The following NRXN3 variants were observed in gnomAD, a reference collection of about 807,000 sequenced individuals.
NRXN3 encodes neurexin III.
A neutral mutation model predicts 137.6 loss-of-function variants in NRXN3; 32 were observed. The ratio of observed to expected loss-of-function variants is 0.23; its 90% confidence interval spans 0.18 to 0.31. NRXN3 has a LOEUF of 0.31. Ranked by LOEUF, NRXN3 falls within the 10% of genes least tolerant of loss-of-function variation. The pLI is 1.00. For synonymous variants in NRXN3, 798 were observed against 784.5 expected (o/e 1.02, Z -0.29); for missense variants, 1,574 against 2,062.5 (o/e 0.76, Z 4.59).
At chr14:78,558,544 G>T (rs926864714) in intron 4 of NRXN3, among the ~76,000 whole-genome samples, 49 of 152,052 alleles carry the variant, frequency 3.2e-4, no homozygotes, top group African/African-American at 1.2e-3. Flanking sequence ...CTCCAGTTCT[G>T]CCTAGATAGT....
At chr14:78,732,019 A>C (rs537237738) in intron 8 of NRXN3, among the ~76,000 whole-genome samples, 30 of 32,780 alleles carry the variant, frequency 9.2e-4, no homozygotes, top group Middle Eastern at 0.031. Flanking sequence ...AATAGCTGCA[A>C]GTTTCAAGTT....
At position 78,275,370 on chromosome 14, in the gene NRXN3, C is replaced by T. The variant is rs115016500; in HGVS notation, c.710-3275C>T. Reference sequence around the variant, plus strand: ...ATAGATGATCTTCATTGATAAAACTCGCAGAAATACTTTTAGTATCTCCAT... The same window carrying T: ...ATAGATGATCTTCATTGATAAAACTTGCAGAAATACTTTTAGTATCTCCAT... On this transcript the variant is annotated intron_variant, in intron 2 of 20. Transcript: ENST00000335750. Among the ~76,000 whole-genome samples the T allele has an allele frequency of 4.8e-3, 728 of 152,230 alleles. 6 individuals carry two copies. The highest frequency in any genetic ancestry group is 0.016 in the African/African-American group (650 of 41,532).
intron 16 of NRXN3, among the ~76,000 whole-genome samples, chr14:79,543,628 C>T (rs1189177156): frequency 6.6e-6 from 1 of 152,104 alleles, no homozygotes; most frequent in Non-Finnish European, 1.5e-5. Flanking sequence ...CAGCTGAGAC[C>T]TTGAAAAATT....
At chr14:78,583,618 G>A (rs1338053870) in intron 4 of NRXN3, among the ~76,000 whole-genome samples, 1 of 152,192 alleles carries the variant, frequency 6.6e-6, no homozygotes, top group African/African-American at 2.4e-5. Flanking sequence ...CATAGTGGTA[G>A]AAGTCACTGT....
At chr14:79,580,077 C>T (rs922332949) in intron 16 of NRXN3, among the ~76,000 whole-genome samples, 10 of 152,146 alleles carry the variant, frequency 6.6e-5, no homozygotes, top group South Asian at 2.1e-4. Context: ...TTTCATTTAA[C>T]GTAATGACTT....
chr14:79,148,856 T>A (rs1481803475), intron 15 of NRXN3, among the ~76,000 whole-genome samples: 2 of 152,142 alleles, frequency 1.3e-5, no homozygotes, highest in Non-Finnish European at 2.9e-5. Context: ...TAAAGAGTGT[T>A]TTTTTCCCAT....
At chr14:78,404,046 G>A (rs1318189603) in intron 4 of NRXN3, among the ~76,000 whole-genome samples, 1 of 152,074 alleles carries the variant, frequency 6.6e-6, no homozygotes, top group Non-Finnish European at 1.5e-5. Context: ...CTGTGGCCCT[G>A]AGAGAAGAGA....
Position 78,923,631 on chromosome 14 carries a change from G to A in NRXN3, c.2276-33611G>A, listed in dbSNP as rs571359578. Among the ~76,000 whole-genome samples the A allele has an allele frequency of 2.2e-4, 34 of 152,280 alleles. No homozygotes were observed. In the South Asian group the frequency reaches 3.9e-3, roughly 18 times the overall value. Reference sequence around the variant, plus strand: ...TTGAGGAATTAAGGAAATGCCAAGAGGTAGAACATCCAGTATCTTTGGTGG... The same window carrying A: ...TTGAGGAATTAAGGAAATGCCAAGAAGTAGAACATCCAGTATCTTTGGTGG... On this transcript the variant is annotated intron_variant, in intron 10 of 20. Transcript: ENST00000335750.
intron 3 of NRXN3, among the ~76,000 whole-genome samples, chr14:78,296,885 A>G (rs940052801): frequency 6.6e-6 from 1 of 151,998 alleles, no homozygotes; most frequent in Non-Finnish European, 1.5e-5. Context: ...CTCTGGAGTG[A>G]TTTGGATATG....
chr14:79,484,710 A>T (rs533853629), intron 16 of NRXN3, among the ~76,000 whole-genome samples: 1 of 152,162 alleles, frequency 6.6e-6, no homozygotes, highest in African/African-American at 2.4e-5. Context: ...CACATATTAT[A>T]TGTAAACAGC....
chr14:79,096,591 G>A (rs1161042006), intron 15 of NRXN3, among the ~76,000 whole-genome samples: 2 of 112,908 alleles, frequency 1.8e-5, no homozygotes, highest in Non-Finnish European at 3.6e-5. Flanking sequence ...TGTGAAAATT[G>A]AGATAATGTG....
chr14:79,400,078 C>T (rs2095148511), intron 15 of NRXN3, among the ~76,000 whole-genome samples: 1 of 152,178 alleles, frequency 6.6e-6, no homozygotes, highest in African/African-American at 2.4e-5. Context: ...TATTTGGAAC[C>T]CACCCTAATC....
chr14:78,499,208 T>G (rs1015274953), intron 4 of NRXN3, among the ~76,000 whole-genome samples: 1 of 152,056 alleles, frequency 6.6e-6, no homozygotes. Flanking sequence ...AAGGTGCAAC[T>G]AGATCATGTT....
chr14:78,541,596 C>T (rs2096590024), intron 4 of NRXN3, among the ~76,000 whole-genome samples: 1 of 152,080 alleles, frequency 6.6e-6, no homozygotes, highest in African/African-American at 2.4e-5. Context: ...TTATTACCGA[C>T]CTTCTGAAGC....
intron 15 of NRXN3, among the ~76,000 whole-genome samples, chr14:79,227,623 A>G (rs955985390): frequency 2.0e-5 from 3 of 152,108 alleles, no homozygotes; most frequent in Non-Finnish European, 4.4e-5. Flanking sequence ...GATTGTACCC[A>G]TCCTCGTTAG....
chr14:78,530,996 T>C (rs2096454397), intron 4 of NRXN3, among the ~76,000 whole-genome samples: 1 of 152,220 alleles, frequency 6.6e-6, no homozygotes. Flanking sequence ...TGTCTTCTCC[T>C]GGACTCTGTA....
intron 6 of NRXN3, among the ~76,000 whole-genome samples, chr14:78,699,010 C>T (rs1016305979): frequency 2.0e-4 from 31 of 151,908 alleles, no homozygotes; most frequent in Non-Finnish European, 8.8e-5. Context: ...CCCATTTTTC[C>T]ACCTCCTCCT....
intron 15 of NRXN3, among the ~76,000 whole-genome samples, chr14:79,293,670 A>G (rs191068166): frequency 5.1e-4 from 78 of 152,356 alleles, no homozygotes; most frequent in African/African-American, 1.4e-3. Context: ...GAAGGAGCAG[A>G]GAGCAGCATG....
intron 4 of NRXN3, among the ~76,000 whole-genome samples, chr14:78,420,092 G>T (rs1048585784): frequency 6.6e-6 from 1 of 151,672 alleles, no homozygotes; most frequent in African/African-American, 2.4e-5. Context: ...AGGGAAGATG[G>T]AAAAAAAAGG....
Sources: gnomAD v4.1 joint callset for allele counts (sites outside exome capture counted in the v4.1 genomes callset) on GRCh38, gnomAD v4.1.1 for gene constraint, MANE v1.5 for transcripts, NCBI Gene and HGNC (gene_info 2026-07-23, HGNC 2026-07-21) for gene names.